The following PEX7 variants were observed in gnomAD, a reference collection of about 807,000 sequenced individuals.
The protein encoded by PEX7 is peroxisomal biogenesis factor 7, also known as PTS2 receptor.
In PEX7, 34 loss-of-function variants were observed where a neutral mutation model predicts 47.5. The observed-to-expected ratio is 0.72, with a 90% CI of 0.54 to 0.95. The LOEUF is 0.95. Ranked by LOEUF, PEX7 falls within the 40% of genes least tolerant of loss-of-function variation. The probability of loss-of-function intolerance (pLI) is 0.00; values close to 1 mark genes in which losing one functional copy is unlikely to be tolerated. For synonymous variants in PEX7, 141 were observed against 148.8 expected, an observed-to-expected ratio of 0.95 and a Z score of 0.38; for missense variants, 394 against 400.3, an observed-to-expected ratio of 0.98 and a Z score of 0.13.
chr6:136,885,553 C>A (rs1267619482), intron 8 of PEX7, among the ~76,000 whole-genome samples: 1 of 152,166 alleles, frequency 6.6e-6, no homozygotes, highest in East Asian at 1.9e-4. Context: ...CAAAATTGTA[C>A]AACTGTACTC....
In PEX7 at chr6:136,835,171, C is replaced by T. The variant is rs562406526; in HGVS notation, c.339+8702C>T. Among the ~76,000 whole-genome samples, 15 of 151,842 alleles carry T rather than the reference C, an allele frequency of 9.9e-5. No homozygotes were observed. The East Asian group carries it at 1.9e-3, about 20-fold the overall frequency. ...AACTCCTGACCTGAGGTGTTCTGGC[C>T]GCCTCAGCCTCCCAAAGTGTTGGGA... On this transcript the variant is annotated intron_variant, in intron 3 of 9. Coordinates refer to ENST00000318471, the MANE Select transcript of PEX7 (RefSeq NM_000288.4).
intron 8 of PEX7, among the ~76,000 whole-genome samples, chr6:136,891,481 C>T (rs985487104): frequency 2.6e-5 from 4 of 152,024 alleles, no homozygotes; most frequent in African/African-American, 7.2e-5. Context: ...CTTCATTTAG[C>T]AGGTAGTTAG....
chr6:136,852,142 G>A (rs1418735132), intron 5 of PEX7, among the ~76,000 whole-genome samples: 5 of 148,114 alleles, frequency 3.4e-5, no homozygotes, highest in South Asian at 2.2e-4. Context: ...TAGGTCTAAC[G>A]TTTAAATCTT....
chr6:136,822,626 T>C lies in PEX7; in HGVS notation c.-40T>C. On this transcript the variant is annotated 5_prime_UTR_variant, in exon 1 of 10. Transcript: ENST00000318471. ...AGTGTGCCTCCGACTCGGAACGGCT[T>C]CCGCGGCCGGGGCAGCGAGGGCCGG... 1 of 1,514,746 alleles carries C rather than the reference T, an allele frequency of 6.6e-7. No individual in the cohort carries two copies. Among genetic ancestry groups the C allele is most frequent in the Non-Finnish European group, 8.8e-7 (1 of 1,131,986 alleles). The allele number at this position is 1,514,746 out of a possible 1,614,324, so 93.8% of individuals were successfully genotyped here.
chr6:136,871,628 G>T (rs1318476630), intron 7 of PEX7, among the ~76,000 whole-genome samples: 2 of 151,830 alleles, frequency 1.3e-5, no homozygotes, highest in East Asian at 3.9e-4. Flanking sequence ...GCATGATCTC[G>T]GCTCACTGCA....
intron 9 of PEX7, among the ~76,000 whole-genome samples, chr6:136,905,571 G>A (rs1775832617): frequency 6.6e-6 from 1 of 151,824 alleles, no homozygotes; most frequent in Non-Finnish European, 1.5e-5. Context: ...ATATAATTTT[G>A]ATATTTGAAA....
chr6:136,900,860 C>A lies in PEX7; in HGVS notation c.903+2619C>A. 2 of 303,694 alleles carry A rather than the reference C, an allele frequency of 6.6e-6. No homozygotes were observed. Among genetic ancestry groups the A allele is most frequent in the South Asian group, 6.7e-5 (2 of 29,730 alleles). The allele number at this position is 303,694 out of a possible 1,614,324, so 18.8% of individuals were successfully genotyped here. ...CCTCTTCTCTTGCTTTGTCTCTGGT[C>A]TGTATTATGGGCCAGCTTATGTAGT... On this transcript the variant is annotated intron_variant, in intron 9 of 9. Coordinates refer to ENST00000318471, the MANE Select transcript of PEX7 (RefSeq NM_000288.4). The surrounding 1 kb of genome is among the most constrained non-coding windows in gnomAD (Gnocchi z 4.2).
rs572758623 is a variant in PEX7 at position 136,834,932 on chromosome 6, AGTTTTTT to A, written c.339+8478_339+8484del. 8.8e-3 allele frequency among the ~76,000 whole-genome samples: 1,332 copies of A among 152,050 alleles called. 11 individuals are homozygous for A. Among genetic ancestry groups the A allele is most frequent in the Non-Finnish European group, 0.012 (799 of 67,966 alleles). ...GTGCAAAGGCTTGTCTTAACTCTTTAGTTTTTTGTTTTTTGTTTTTTTTTGAGATGGA... is the reference window on the plus strand; with the variant it reads ...GTGCAAAGGCTTGTCTTAACTCTTTAGTTTTTTGTTTTTTTTTGAGATGGA... On this transcript the variant is annotated intron_variant, in intron 3 of 9. Coordinates refer to ENST00000318471, the MANE Select transcript of PEX7 (RefSeq NM_000288.4).
intron 8 of PEX7, among the ~76,000 whole-genome samples, chr6:136,883,497 AT>A (rs1212806272): frequency 6.6e-6 from 1 of 152,136 alleles, no homozygotes; most frequent in Non-Finnish European, 1.5e-5. Flanking sequence ...TAAGGATTCC[AT>A]GTTCTTTTTT....
Position 136,844,346 on chromosome 6 carries a change from G to A in PEX7, c.340-1269G>A, listed in dbSNP as rs542632958. ...GATTGTGCCCACTGCACTCCAGCCT[G>A]GGCGACTGCGCAAGACCCTGTTTTG... On this transcript the variant is annotated intron_variant, in intron 3 of 9. Transcript: ENST00000318471. Among the ~76,000 whole-genome samples the A allele has an allele frequency of 3.3e-5, 5 of 151,634 alleles. No homozygotes were observed. The South Asian group carries it at 8.4e-4, about 25-fold the overall frequency.
chr6:136,888,236 C>G (rs1167949230), intron 8 of PEX7, among the ~76,000 whole-genome samples: 1 of 152,098 alleles, frequency 6.6e-6, no homozygotes, highest in African/African-American at 2.4e-5. Flanking sequence ...TATGAGCTGC[C>G]ACACAGCTTC....
intron 8 of PEX7, among the ~76,000 whole-genome samples, chr6:136,893,536 A>G (rs1286313686): frequency 6.6e-6 from 1 of 152,206 alleles, no homozygotes; most frequent in Admixed American, 6.5e-5. Context: ...CCACTGAACT[A>G]TGAGCCGCAC....
chr6:136,872,123 G>T, intron 7 of PEX7, 75 bp from the exon 8 acceptor site: 1 of 1,222,722 alleles, frequency 8.2e-7, no homozygotes. Context: ...AATGTTTATG[G>T]AATGATCATA....
chr6:136,881,376 A>G (rs1307494433), intron 8 of PEX7, among the ~76,000 whole-genome samples: 1 of 152,206 alleles, frequency 6.6e-6, no homozygotes. Flanking sequence ...TCATGGATTC[A>G]AAAAGATATC....
At chr6:136,870,617 C>A in intron 7 of PEX7, 1 of 207,228 alleles carries the variant, frequency 4.8e-6, no homozygotes, top group South Asian at 5.3e-5. Context: ...CCAATTTCAT[C>A]CTTTTGTTTT....
chr6:136,856,366 A>G (rs2115192895), intron 5 of PEX7, among the ~76,000 whole-genome samples: 1 of 152,006 alleles, frequency 6.6e-6, no homozygotes, highest in South Asian at 2.1e-4. Flanking sequence ...TTGCTCACAT[A>G]AGTGAAAAGT....
chr6:136,849,270 C>G (rs1774691505), intron 5 of PEX7, among the ~76,000 whole-genome samples: 1 of 152,066 alleles, frequency 6.6e-6, no homozygotes, highest in African/African-American at 2.4e-5. Flanking sequence ...TGCTAGTGGT[C>G]TATCAATTTT....
At chr6:136,866,426 T>TC (rs1482463053) in intron 5 of PEX7, among the ~76,000 whole-genome samples, 1 of 152,194 alleles carries the variant, frequency 6.6e-6, no homozygotes, top group Non-Finnish European at 1.5e-5. Flanking sequence ...AATAGCATTA[T>TC]CACGGTGCAA....
At chr6:136,833,144 T>G (rs145977816) in intron 3 of PEX7, among the ~76,000 whole-genome samples, 2 of 152,228 alleles carry the variant, frequency 1.3e-5, no homozygotes, top group Non-Finnish European at 2.9e-5. Flanking sequence ...AGAGGCTTAA[T>G]TGACTCACAG....
Sources: gnomAD v4.1 joint callset for allele counts (sites outside exome capture counted in the v4.1 genomes callset) on GRCh38, gnomAD v4.1.1 for gene constraint, Gnocchi (gnomAD v3.1) non-coding constraint, MANE v1.5 for transcripts, NCBI Gene and HGNC (gene_info 2026-07-23, HGNC 2026-07-21) for gene names.